SLC35F4: variants seen among roughly 807,000 people sequenced by gnomAD.
The protein encoded by SLC35F4 is solute carrier family 35 member F4.
Under a neutral mutation model 44.2 loss-of-function variants are expected in SLC35F4, and 24 were observed. The observed-to-expected ratio is 0.54, with a 90% CI of 0.39 to 0.76. The LOEUF (loss-of-function observed/expected upper bound fraction) is 0.76, where lower values mean the gene tolerates loss of function less well. SLC35F4 is among the 30% of genes least tolerant of loss of function. The pLI is 0.00. For synonymous variants in SLC35F4, 238 were observed against 223.6 expected (o/e 1.06, Z -0.57); for missense variants, 562 against 586.1 (o/e 0.96, Z 0.42).
intron 1 of SLC35F4, among the ~76,000 whole-genome samples, chr14:57,795,444 T>G (rs1050580400): frequency 6.6e-6 from 1 of 152,170 alleles, no homozygotes; most frequent in Non-Finnish European, 1.5e-5. Context: ...CCCAACAACC[T>G]AACTGAACAT....
intron 1 of SLC35F4, among the ~76,000 whole-genome samples, chr14:57,882,039 T>G (rs1888545908): frequency 1.3e-5 from 2 of 152,258 alleles, no homozygotes; most frequent in African/African-American, 4.8e-5. Flanking sequence ...CCATATGCCC[T>G]TCATCCAGAC....
At chr14:57,920,786 G>T (rs918211417) in intron 1 of SLC35F4, among the ~76,000 whole-genome samples, 1 of 152,134 alleles carries the variant, frequency 6.6e-6, no homozygotes, top group African/African-American at 2.4e-5. Flanking sequence ...CCCCTAATGG[G>T]ACACCTTCTA....
chr14:57,578,076 G>A (rs74451411), intron 4 of SLC35F4, among the ~76,000 whole-genome samples: 8,215 of 150,186 alleles, frequency 0.055, 222 homozygotes, highest in Non-Finnish European at 0.059. Flanking sequence ...CTTGTGGTCC[G>A]GATAAACCCA....
intron 1 of SLC35F4, among the ~76,000 whole-genome samples, chr14:57,775,419 A>G (rs963430634): frequency 1.3e-5 from 2 of 152,258 alleles, no homozygotes; most frequent in African/African-American, 4.8e-5. Flanking sequence ...GTGGTCCAGG[A>G]GCAAGCACCT....
At chr14:57,568,937 T>A (rs1424082587) in intron 6 of SLC35F4, among the ~76,000 whole-genome samples, 3 of 152,164 alleles carry the variant, frequency 2.0e-5, no homozygotes, top group African/African-American at 7.2e-5. Context: ...TTTTAACTGC[T>A]TGGTGAGAGA....
chr14:57,651,955 A>T (rs2073800198), intron 1 of SLC35F4, among the ~76,000 whole-genome samples: 1 of 152,162 alleles, frequency 6.6e-6, no homozygotes, highest in Non-Finnish European at 1.5e-5. Context: ...CAGTGGGTAA[A>T]GCCAGCCTCT....
chr14:57,784,784 C>A (rs1368090216), intron 1 of SLC35F4, among the ~76,000 whole-genome samples: 1 of 152,124 alleles, frequency 6.6e-6, no homozygotes, highest in Non-Finnish European at 1.5e-5. Context: ...AACTCTCTTG[C>A]CTCCCCTTCC....
chr14:57,964,751 C>T (rs1393685319), intron 1 of SLC35F4, among the ~76,000 whole-genome samples: 3 of 151,816 alleles, frequency 2.0e-5, no homozygotes, highest in African/African-American at 7.3e-5. Context: ...AGTCTCAGAA[C>T]CACAGGCACC....
intron 7 of SLC35F4, among the ~76,000 whole-genome samples, chr14:57,565,554 T>C (rs2068164519): frequency 6.6e-6 from 1 of 152,216 alleles, no homozygotes; most frequent in South Asian, 2.1e-4. Flanking sequence ...CAGTTCCTGG[T>C]GTACACTAAT....
rs534917315 is a variant in SLC35F4, at chr14:57,774,338, C to T, written c.103+91385G>A. Among the ~76,000 whole-genome samples the T allele has an allele frequency of 5.6e-4, 85 of 152,286 alleles. 1 individual carries two copies. The highest frequency in any genetic ancestry group is 4.8e-3 in the South Asian group (23 of 4,830). On this transcript the variant is annotated intron_variant, in intron 1 of 7. Transcript: ENST00000556826. ...CACTCTCACCCTGAGCCTCTGAATG[C>T]CCATGCAGGAGACCTCTTGACCACC...
At chr14:57,787,403 G>A (rs1307111582) in intron 1 of SLC35F4, among the ~76,000 whole-genome samples, 1 of 152,064 alleles carries the variant, frequency 6.6e-6, no homozygotes, top group African/African-American at 2.4e-5. Context: ...AACACAAGAA[G>A]CACAAAGAAC....
chr14:57,611,015 T>C (rs2071461994), intron 1 of SLC35F4, among the ~76,000 whole-genome samples: 2 of 152,212 alleles, frequency 1.3e-5, no homozygotes, highest in African/African-American at 4.8e-5. Flanking sequence ...GAGTGGTGTC[T>C]AGTTACATAA....
At chr14:57,726,330 T>C (rs1040779219) in intron 1 of SLC35F4, among the ~76,000 whole-genome samples, 29 of 152,150 alleles carry the variant, frequency 1.9e-4, no homozygotes, top group African/African-American at 6.5e-4. Flanking sequence ...GCTGAGGTGC[T>C]TGATGAAGGC....
At chr14:57,596,489 A>G in intron 1 of SLC35F4, 1 of 342,860 alleles carries the variant, frequency 2.9e-6, no homozygotes, top group East Asian at 7.6e-5. Flanking sequence ...ATACTCCAAG[A>G]GTCTTTTAAA....
chr14:57,890,709 T>C (rs148964310), intron 1 of SLC35F4, among the ~76,000 whole-genome samples: 109 of 152,158 alleles, frequency 7.2e-4, no homozygotes, highest in African/African-American at 2.5e-3. Context: ...GTGAGGAAAA[T>C]TGAGAAGATT....
chr14:57,753,396 C>T (rs2076929756), intron 1 of SLC35F4, among the ~76,000 whole-genome samples: 1 of 152,138 alleles, frequency 6.6e-6, no homozygotes, highest in Non-Finnish European at 1.5e-5. Flanking sequence ...CTACCAGCTT[C>T]CCTGAGCCTT....
At chr14:57,694,408 C>T (rs2075321119) in intron 1 of SLC35F4, among the ~76,000 whole-genome samples, 1 of 152,032 alleles carries the variant, frequency 6.6e-6, no homozygotes, top group African/African-American at 2.4e-5. Flanking sequence ...GTGTGCCTTG[C>T]TTTTTTCATT....
At chr14:57,877,001 T>C (rs1367552597) in intron 1 of SLC35F4, among the ~76,000 whole-genome samples, 1 of 152,116 alleles carries the variant, frequency 6.6e-6, no homozygotes, top group African/African-American at 2.4e-5. Flanking sequence ...CTTTTTTTTT[T>C]CTTCTTTCCA....
chr14:57,864,245 T>C (rs1460516962), intron 1 of SLC35F4, among the ~76,000 whole-genome samples: 1 of 152,200 alleles, frequency 6.6e-6, no homozygotes, highest in Non-Finnish European at 1.5e-5. Flanking sequence ...TTTACTTATG[T>C]TTCCAGGGTT....
Sources: gnomAD v4.1 joint callset for allele counts (sites outside exome capture counted in the v4.1 genomes callset) on GRCh38, gnomAD v4.1.1 for gene constraint, MANE v1.5 for transcripts, NCBI Gene and HGNC (gene_info 2026-07-23, HGNC 2026-07-21) for gene names.